USP5: variants seen among roughly 807,000 people sequenced by gnomAD.
USP5 encodes the protein ubiquitin carboxyl-terminal hydrolase 5.
In USP5, 24 loss-of-function variants were observed where a neutral mutation model predicts 102.5. That is an observed-to-expected ratio of 0.23 (90% CI 0.17 to 0.33). USP5 has a LOEUF of 0.33. USP5 is among the 10% of genes least tolerant of loss of function. The pLI, the probability that USP5 is intolerant of heterozygous loss-of-function variation, is 1.00. For synonymous variants in USP5, 460 were observed against 434.8 expected (o/e 1.06, Z -0.72); for missense variants, 753 against 1,122.1 (o/e 0.67, Z 4.70).
Position 6,855,831 on chromosome 12 carries a change from G to C in USP5, c.304+10G>C. The stretch of plus-strand genomic sequence containing the variant: ...ACGCGGCTGGCTATTGGTGAGCACC[G>C]CTGCAGTCCTATTCTTCTCCCTGAG... On this transcript the variant is annotated intron_variant, in intron 3 of 19. Coordinates refer to ENST00000229268, the MANE Select transcript of USP5 (RefSeq NM_001098536.2). The surrounding 1 kb of genome is among the most constrained non-coding windows in gnomAD (Gnocchi z 4.6). 6.2e-7 allele frequency: 1 copy of C among 1,614,116 alleles called. No individual in the cohort carries two copies. Among genetic ancestry groups the C allele is most frequent in the East Asian group, 2.2e-5 (1 of 44,882 alleles).
chr12:6,862,706 C>A, intron 14 of USP5, 148 bp downstream of exon 14: 1 of 667,622 alleles, frequency 1.5e-6, no homozygotes, highest in Non-Finnish European at 2.5e-6. Context: ...AGTTTGAAAG[C>A]ACTAACTAAA....
intron 1 of USP5, 58 bp downstream of exon 1, chr12:6,852,348 T>C: frequency 6.6e-7 from 1 of 1,525,022 alleles, no homozygotes; most frequent in Non-Finnish European, 8.9e-7. Context: ...CCCTGGTCAT[T>C]CCGCTGGGGC....
At position 6,864,179 on chromosome 12, in the gene USP5, A is replaced by G; in HGVS notation, c.2228A>G (p.Lys743Arg). The change falls in exon 17 of 20, where the codon AAA becomes AGA. Residue 743 changes from lysine to arginine, a missense_variant. Lys to Arg is a conservative substitution (Grantham distance 26). Around this residue, in one of 3 missense-constraint regions of USP5, gnomAD observed 193 missense variants for 230.2 expected, o/e 0.84. Transcript: ENST00000229268. The surrounding 1 kb of genome is among the most constrained non-coding windows in gnomAD (Gnocchi z 4.8). The stretch of plus-strand genomic sequence containing the variant: ...GGCTTCTCCCGGGACCAGGCCTTGA[A>G]AGCGCTGCGGGCCACGGTATGGGCT... ...SMGFSRDQAL[K>R]ALRATNNSLE... 2 of 1,610,848 alleles carry G rather than the reference A, an allele frequency of 1.2e-6. No homozygotes were observed. The highest frequency in any genetic ancestry group is 2.2e-5 in the South Asian group (2 of 90,746).
In USP5 at chr12:6,864,985, C is replaced by T. The variant is rs1265749364; in HGVS notation, c.2398+110C>T. ...TCCTCAGGAGTCAGGGGCTTCTTTC[C>T]ACCTCAACGTGGCATCTGAGGGTGG... On this transcript the variant is annotated intron_variant, in intron 18 of 19. Coordinates refer to ENST00000229268, the MANE Select transcript of USP5 (RefSeq NM_001098536.2). This position sits in a 1 kb window ranked among gnomAD's most constrained non-coding sequence, Gnocchi z 4.8. 2.1e-6 allele frequency: 3 copies of T among 1,461,162 alleles called. No individual in the cohort carries two copies. Among genetic ancestry groups the T allele is most frequent in the African/African-American group, 2.8e-5 (2 of 71,250 alleles). 90.5% of individuals were successfully genotyped at this position (1,461,162 alleles called of 1,614,324 possible).
intron 1 of USP5, among the ~76,000 whole-genome samples, chr12:6,853,019 C>T (rs193089322): frequency 1.3e-5 from 2 of 151,990 alleles, no homozygotes; most frequent in African/African-American, 4.8e-5. Context: ...TTTCCCATCC[C>T]GCTCCCACTC....
At position 6,855,632 on chromosome 12, in the gene USP5, G is replaced by A; in HGVS notation, c.237+106G>A. On this transcript the variant is annotated intron_variant, in intron 2 of 19. Transcript: ENST00000229268. The surrounding 1 kb of genome is among the most constrained non-coding windows in gnomAD (Gnocchi z 4.6). ...ACCTACTTTTGTGTCATTAAAGCTT[G>A]GCACAGATGTTTTTTAGCTTTATTC... is the stretch of plus-strand genomic sequence containing the variant. 3 of 1,586,108 alleles carry A rather than the reference G, an allele frequency of 1.9e-6. No homozygotes were observed. Among genetic ancestry groups the A allele is most frequent in the Non-Finnish European group, 2.6e-6 (3 of 1,166,186 alleles).
Position 6,856,139 on chromosome 12 carries a change from G to A in USP5, c.427G>A (p.Val143Ile), listed in dbSNP as rs1944104587. 6.2e-7 allele frequency: 1 copy of A among 1,614,140 alleles called. No homozygotes were observed. The highest frequency in any genetic ancestry group is 8.5e-7 in the Non-Finnish European group (1 of 1,180,026). Residue 143 changes from valine (V) to isoleucine (I), a missense_variant, in exon 4 of 20, where the codon GTC (valine) becomes ATC (isoleucine). Physicochemically the swap from Val to Ile is conservative, Grantham distance 29. Transcript: ENST00000229268. The surrounding 1 kb of genome is among the most constrained non-coding windows in gnomAD (Gnocchi z 5.6). ...RDGLGGLPDI[V>I]RDRVTSAVEA... The stretch of plus-strand genomic sequence containing the variant: ...TGGACTGGGGGGACTGCCTGACATT[G>A]TCAGAGATCGGGTATGACTGCCCCC...
At position 6,856,740 on chromosome 12, in the gene USP5, G is replaced by C. The variant is rs1555128418; in HGVS notation, c.618G>C (p.Glu206Asp). The change falls in exon 6 of 20, where the codon GAG becomes GAC. Residue 206 changes from glutamate (E) to aspartate (D), a missense_variant. Physicochemically the swap from Glu to Asp is conservative, Grantham distance 45. Around this residue, in one of 3 missense-constraint regions of USP5, gnomAD observed 527 missense variants for 816.5 expected, o/e 0.65. Transcript: ENST00000229268. The surrounding 1 kb of genome is among the most constrained non-coding windows in gnomAD (Gnocchi z 5.6). Reference protein sequence around the residue: ...GWKCSKCDMRENLWLNLTDGS... With the variant: ...GWKCSKCDMRDNLWLNLTDGS... ...AGTGCTCCAAGTGTGACATGAGAGA[G>C]AACCTGTGGCTCAACCTGACTGATG... The C allele has an allele frequency of 6.2e-7, 1 of 1,614,022 alleles. No individual in the cohort carries two copies. The highest frequency in any genetic ancestry group is 8.5e-7 in the Non-Finnish European group (1 of 1,180,024).
intron 1 of USP5, among the ~76,000 whole-genome samples, chr12:6,854,909 C>T (rs1227665696): frequency 6.6e-6 from 1 of 152,044 alleles, no homozygotes; most frequent in Non-Finnish European, 1.5e-5. Flanking sequence ...TTAGGTGTCC[C>T]CTGGTTTGGG....
Position 6,855,574 on chromosome 12 carries a change from C to A in USP5, c.237+48C>A. On this transcript the variant is annotated intron_variant, in intron 2 of 19. Coordinates refer to ENST00000229268, the MANE Select transcript of USP5 (RefSeq NM_001098536.2). The surrounding 1 kb of genome is among the most constrained non-coding windows in gnomAD (Gnocchi z 4.6). ...GCCTGGGTACATTGTCTGTTCCATT[C>A]TGACCTCCTATTGGACTCAGTTTCT... The A allele has an allele frequency of 6.2e-7, 1 of 1,606,070 alleles. No homozygotes were observed. Among genetic ancestry groups the A allele is most frequent in the Non-Finnish European group, 8.5e-7 (1 of 1,176,868 alleles).
In USP5 at chr12:6,855,553, G is replaced by A; in HGVS notation, c.237+27G>A. On this transcript the variant is annotated intron_variant, in intron 2 of 19. Transcript: ENST00000229268. The surrounding 1 kb of genome is among the most constrained non-coding windows in gnomAD (Gnocchi z 4.6). ...TAGGAGCAGGGCTGGGGCAAGGCCT[G>A]GGTACATTGTCTGTTCCATTCTGAC... The A allele has an allele frequency of 6.2e-7, 1 of 1,613,008 alleles. No homozygotes were observed. Among genetic ancestry groups the A allele is most frequent in the Non-Finnish European group, 8.5e-7 (1 of 1,179,728 alleles).
Position 6,858,598 on chromosome 12 carries a change from A to C in USP5, c.1039A>C (p.Ile347Leu). Residue 347 changes from isoleucine to leucine, a missense_variant, in exon 8 of 20, where the codon ATC becomes CTC. Physicochemically the swap from Ile to Leu is conservative, Grantham distance 5. Around this residue, in one of 3 missense-constraint regions of USP5, gnomAD observed 527 missense variants for 816.5 expected, o/e 0.65. Transcript: ENST00000229268. The surrounding 1 kb of genome is among the most constrained non-coding windows in gnomAD (Gnocchi z 4.2). The part of the protein sequence containing the change: ...LNSVVQVLFS[I>L]PDFQRKYVDK... ...CTCTGTGGTCCAGGTGCTCTTCAGC[A>C]TCCCTGACTTCCAGAGGAAGTGAGT... 1 of 1,605,824 alleles carries C rather than the reference A, an allele frequency of 6.2e-7. No homozygotes were observed. Among genetic ancestry groups the C allele is most frequent in the Non-Finnish European group, 8.5e-7 (1 of 1,173,004 alleles).
In USP5 at chr12:6,864,189, G is replaced by A. The variant is rs782544392; in HGVS notation, c.2238G>A (p.Arg746=). ...GGGACCAGGCCTTGAAAGCGCTGCG[G>A]GCCACGGTATGGGCTGCCCCAGCTA... The part of the protein sequence containing the change: ...FSRDQALKAL[R]ATNNSLERAV... The change falls in exon 17 of 20, where the codon CGG becomes CGA. Residue 746 remains arginine (R), a synonymous_variant. Transcript: ENST00000229268. The surrounding 1 kb of genome is among the most constrained non-coding windows in gnomAD (Gnocchi z 4.8). 6 of 1,607,306 alleles carry A rather than the reference G, an allele frequency of 3.7e-6. No individual in the cohort carries two copies. In the South Asian group the frequency reaches 5.5e-5, roughly 15 times the overall value.
rs1215798649 is a variant in USP5 at position 6,863,805 on chromosome 12, C to T, written c.1955-25C>T. 5.8e-6 allele frequency: 9 copies of T among 1,546,278 alleles called. No individual in the cohort carries two copies. Among genetic ancestry groups the T allele is most frequent in the African/African-American group, 5.5e-5 (4 of 73,320 alleles). Reference sequence around the variant, plus strand: ...CAAACAGTGGCCCAATCAGTCGGTCCGTGTACCCACAATTCCCATTACAGC... The same window carrying T: ...CAAACAGTGGCCCAATCAGTCGGTCTGTGTACCCACAATTCCCATTACAGC... On this transcript the variant is annotated intron_variant, in intron 15 of 19. Transcript: ENST00000229268. This position sits in a 1 kb window ranked among gnomAD's most constrained non-coding sequence, Gnocchi z 4.7.
At position 6,860,142 on chromosome 12, in the gene USP5, T is replaced by C. The variant is rs782751428; in HGVS notation, c.1131-9T>C. On this transcript the variant is annotated splice_polypyrimidine_tract_variant and intron_variant, in intron 9 of 19. Coordinates refer to ENST00000229268, the MANE Select transcript of USP5 (RefSeq NM_001098536.2). The surrounding 1 kb of genome is among the most constrained non-coding windows in gnomAD (Gnocchi z 5.5). ...CTGAAGTGAAATGTTTTCTTGGATA[T>C]TAATGCAGGGCCAAGCTGGGCCATG... 6.2e-7 allele frequency: 1 copy of C among 1,608,050 alleles called. No homozygotes were observed. Among genetic ancestry groups the C allele is most frequent in the Non-Finnish European group, 8.5e-7 (1 of 1,178,446 alleles).
Position 6,863,292 on chromosome 12 carries a change from T to G in USP5, c.1869T>G (p.Thr623=), listed in dbSNP as rs1280005519. 3 of 1,614,026 alleles carry G rather than the reference T, an allele frequency of 1.9e-6. No homozygotes were observed. The African/African-American group carries it at 4.0e-5, about 22-fold the overall frequency. Residue 623 remains threonine, a synonymous_variant, in exon 15 of 20, where the codon ACT becomes ACG. Transcript: ENST00000229268. The surrounding 1 kb of genome is among the most constrained non-coding windows in gnomAD (Gnocchi z 4.7). ...ELPDIAPPLV[T]PDEPKGSLGF... ...CAGACATTGCCCCACCCCTGGTCAC[T>G]CCGGATGAGCCCAAAGGTAGCCTTG...
At chr12:6,857,218 C>T (rs1555128532) in intron 6 of USP5, among the ~76,000 whole-genome samples, 1 of 152,132 alleles carries the variant, frequency 6.6e-6, no homozygotes, top group Non-Finnish European at 1.5e-5. Flanking sequence ...TGTTTGAGCA[C>T]CCGGGAGGTT....
At chr12:6,857,138 A>G (rs1167746818) in intron 6 of USP5, among the ~76,000 whole-genome samples, 3 of 152,044 alleles carry the variant, frequency 2.0e-5, no homozygotes, top group Non-Finnish European at 2.9e-5. Context: ...AGAAAAAAAA[A>G]GAAAAATTGG....
At position 6,863,237 on chromosome 12, in the gene USP5, C is replaced by T. The variant is rs1172951306; in HGVS notation, c.1814C>T (p.Thr605Ile). Residue 605 changes from threonine to isoleucine, a missense_variant, in exon 15 of 20, where the codon ACA becomes ATA. Thr to Ile is a moderately conservative substitution (Grantham distance 89). Transcript: ENST00000229268. This position sits in a 1 kb window ranked among gnomAD's most constrained non-coding sequence, Gnocchi z 4.7. Reference protein sequence around the residue: ...EELDISQLRGTGLQPGEEELP... With the variant: ...EELDISQLRGIGLQPGEEELP... ...CTCGACATCTCCCAGTTGAGGGGCA[C>T]AGGGCTGCAGCCCGGAGAGGAGGAG... The T allele has an allele frequency of 1.9e-6, 3 of 1,614,156 alleles. No individual in the cohort carries two copies. Among genetic ancestry groups the T allele is most frequent in the Admixed American group, 3.3e-5 (2 of 60,024 alleles).
Sources: gnomAD v4.1 joint callset for allele counts (sites outside exome capture counted in the v4.1 genomes callset) on GRCh38, gnomAD v4.1.1 for gene constraint, gnomAD v4.1.1 regional missense constraint, Gnocchi (gnomAD v3.1) non-coding constraint, MANE v1.5 for transcripts, NCBI Gene and HGNC (gene_info 2026-07-23, HGNC 2026-07-21) for gene names.